Variants in STX17 observed in about 807,000 individuals in gnomAD.
STX17 encodes the protein syntaxin-17.
In STX17, 29 loss-of-function variants were observed where a neutral mutation model predicts 35.9. The observed-to-expected ratio is 0.81, with a 90% CI of 0.60 to 1.10. The LOEUF is 1.10. Ranked by LOEUF, STX17 falls within the 50% of genes least tolerant of loss-of-function variation. STX17 has a pLI of 0.00. For missense variants in STX17, 312 were observed against 352.3 expected (o/e 0.89, Z 0.92); for synonymous variants, 92 against 118.3 (o/e 0.78, Z 1.44).
intron 2 of STX17, among the ~76,000 whole-genome samples, chr9:99,923,258 T>C (rs1272972793): frequency 2.0e-5 from 3 of 152,180 alleles, no homozygotes; most frequent in Admixed American, 6.5e-5. Context: ...CATTCACATT[T>C]TAATAATTCA....
chr9:99,913,995 G>A (rs2118300900), intron 1 of STX17: 2 of 149,050 alleles, frequency 1.3e-5, no homozygotes, highest in South Asian at 4.2e-4. Flanking sequence ...TGTAGAGATG[G>A]GATTTTGGCA....
At chr9:99,927,115 G>T (rs1829000696) in intron 2 of STX17, among the ~76,000 whole-genome samples, 1 of 152,158 alleles carries the variant, frequency 6.6e-6, no homozygotes, top group South Asian at 2.1e-4. Context: ...TCCTCTCAGT[G>T]CAACTAGCCC....
At chr9:99,967,411 G>C (rs923033264) in intron 6 of STX17, 2 of 340,926 alleles carry the variant, frequency 5.9e-6, no homozygotes, top group Admixed American at 8.2e-5. Context: ...GAATTTTAGC[G>C]TGAGATGCTT....
chr9:99,909,712 T>C (rs1324236468), intron 1 of STX17, among the ~76,000 whole-genome samples: 1 of 152,170 alleles, frequency 6.6e-6, no homozygotes, highest in East Asian at 1.9e-4. Context: ...ATATAGTACT[T>C]GATAGCCGAA....
chr9:99,908,276 A>G (rs1241064075), intron 1 of STX17, among the ~76,000 whole-genome samples: 1 of 152,166 alleles, frequency 6.6e-6, no homozygotes, highest in Admixed American at 6.5e-5. Context: ...TTTAAACCGT[A>G]CGCATATCCT....
At chr9:99,954,024 G>A (rs1829659459) in intron 4 of STX17, 2 of 151,820 alleles carry the variant, frequency 1.3e-5, no homozygotes, top group Admixed American at 1.3e-4. Flanking sequence ...AAAAAACTTC[G>A]GCAGATTTTG....
intron 2 of STX17, among the ~76,000 whole-genome samples, chr9:99,920,491 A>T (rs1458500143): frequency 6.6e-6 from 1 of 152,202 alleles, no homozygotes; most frequent in African/African-American, 2.4e-5. Context: ...CTAATGTAGA[A>T]TTATTCTACT....
Position 99,951,293 on chromosome 9 carries a change from ATTGTG to A in STX17, c.415+9_415+13del, listed in dbSNP as rs781349853. 12 of 1,611,334 alleles carry A rather than the reference ATTGTG, an allele frequency of 7.4e-6. No homozygotes were observed. Among genetic ancestry groups the A allele is most frequent in the Non-Finnish European group, 1.0e-5 (12 of 1,177,932 alleles). The stretch of plus-strand genomic sequence containing the variant: ...GATCCATGACTGTTGGTGGTAATGT[ATTGTG>A]CTAAGTCTTATTCTCAGTCACAGTA... On this transcript the variant is annotated intron_variant, in intron 4 of 7. Coordinates refer to ENST00000259400, the MANE Select transcript of STX17 (RefSeq NM_017919.3).
chr9:99,941,646 A>G (rs76777853), intron 3 of STX17, among the ~76,000 whole-genome samples: 7,435 of 152,236 alleles, frequency 0.049, 250 homozygotes, highest in Non-Finnish European at 0.076. Flanking sequence ...AAAAAGAATC[A>G]CTATCTTGAT....
intron 3 of STX17, among the ~76,000 whole-genome samples, chr9:99,946,856 A>C (rs542100920): frequency 1.3e-5 from 2 of 152,202 alleles, no homozygotes; most frequent in Admixed American, 1.3e-4. Context: ...TTATAATCTT[A>C]CTGTTTCTTT....
chr9:99,922,567 T>G (rs956956016), intron 2 of STX17, among the ~76,000 whole-genome samples: 1 of 152,194 alleles, frequency 6.6e-6, no homozygotes, highest in Non-Finnish European at 1.5e-5. Flanking sequence ...CTCTGTCAAG[T>G]CATCCTCTGT....
chr9:99,957,660 T>G (rs559246052), intron 4 of STX17, among the ~76,000 whole-genome samples: 7 of 149,584 alleles, frequency 4.7e-5, no homozygotes, highest in Non-Finnish European at 1.0e-4. Context: ...GTTTTTGTTT[T>G]TTTTTTTTTT....
chr9:99,934,996 T>C (rs966132799), intron 3 of STX17, among the ~76,000 whole-genome samples: 1 of 152,120 alleles, frequency 6.6e-6, no homozygotes, highest in Non-Finnish European at 1.5e-5. Context: ...CATTTAGTTA[T>C]AAAACCAAAG....
chr9:99,940,206 C>T (rs1290626747), intron 3 of STX17, among the ~76,000 whole-genome samples: 1 of 152,168 alleles, frequency 6.6e-6, no homozygotes, highest in Non-Finnish European at 1.5e-5. Flanking sequence ...TCTCAGCTCA[C>T]TGCAACCACC....
intron 3 of STX17, among the ~76,000 whole-genome samples, chr9:99,929,557 A>T (rs1242559134): frequency 1.3e-5 from 2 of 151,904 alleles, no homozygotes; most frequent in African/African-American, 4.8e-5. Context: ...TACCTATATT[A>T]CTAAATAATG....
intron 1 of STX17, among the ~76,000 whole-genome samples, chr9:99,914,895 A>G (rs929214197): frequency 2.6e-5 from 4 of 152,168 alleles, no homozygotes; most frequent in African/African-American, 7.2e-5. Flanking sequence ...GCCAAAATGT[A>G]AAGAGTACAT....
intron 6 of STX17, among the ~76,000 whole-genome samples, chr9:99,961,473 A>C (rs1829824932): frequency 6.6e-6 from 1 of 152,228 alleles, no homozygotes; most frequent in Non-Finnish European, 1.5e-5. Flanking sequence ...GTTAACATAG[A>C]TTAGGAAGCA....
intron 6 of STX17, 64 bp downstream of exon 6, chr9:99,960,219 C>T: frequency 2.1e-6 from 3 of 1,460,352 alleles, no homozygotes; most frequent in Admixed American, 4.0e-5. Flanking sequence ...CTTTTATAAT[C>T]ACTAGGCTTT....
intron 2 of STX17, among the ~76,000 whole-genome samples, chr9:99,925,102 C>G (rs1828962019): frequency 6.6e-6 from 1 of 151,788 alleles, no homozygotes; most frequent in African/African-American, 2.4e-5. Context: ...TTTTATGATT[C>G]AATTTTTTTC....
Sources: gnomAD v4.1 joint callset for allele counts (sites outside exome capture counted in the v4.1 genomes callset) on GRCh38, gnomAD v4.1.1 for gene constraint, MANE v1.5 for transcripts, NCBI Gene and HGNC (gene_info 2026-07-23, HGNC 2026-07-21) for gene names.